TK2: variants seen among roughly 807,000 people sequenced by gnomAD.
The protein encoded by TK2 is thymidine kinase 2, mitochondrial.
In TK2, 35 loss-of-function variants were observed where a neutral mutation model predicts 41.9. The ratio of observed to expected loss-of-function variants is 0.84; its 90% CI spans 0.64 to 1.11. The LOEUF (loss-of-function observed/expected upper bound fraction) is 1.11, where lower values mean the gene tolerates loss of function less well. Ranked by LOEUF, TK2 falls within the 50% of genes least tolerant of loss-of-function variation. The pLI is 0.00. For missense variants in TK2, 320 were observed against 351.1 expected (o/e 0.91, Z 0.71); for synonymous variants, 128 against 129.1 (o/e 0.99, Z 0.06).
At chr16:66,524,791 G>A (rs913846556) in intron 6 of TK2, 10 of 152,230 alleles carry the variant, frequency 6.6e-5, no homozygotes, top group African/African-American at 2.2e-4. Flanking sequence ...ATGCACAGGT[G>A]GTTGTGGGAG....
chr16:66,536,392 T>C (rs951765978), intron 4 of TK2, among the ~76,000 whole-genome samples: 8 of 152,100 alleles, frequency 5.3e-5, no homozygotes, highest in African/African-American at 1.9e-4. Context: ...ACCCAGATTC[T>C]ATCCATCTCT....
intron 4 of TK2, among the ~76,000 whole-genome samples, chr16:66,533,865 A>G (rs1486862945): frequency 6.6e-6 from 1 of 151,624 alleles, no homozygotes; most frequent in Non-Finnish European, 1.5e-5. Context: ...AAAATTAGCC[A>G]GGTGTGGTGG....
chr16:66,535,545 A>T (rs995739773), intron 4 of TK2, among the ~76,000 whole-genome samples: 2 of 152,220 alleles, frequency 1.3e-5, no homozygotes, highest in African/African-American at 4.8e-5. Context: ...CTTTATTGAA[A>T]GACTGAGAGG....
intron 2 of TK2, among the ~76,000 whole-genome samples, chr16:66,544,247 G>A (rs1248853611): frequency 6.6e-6 from 1 of 152,180 alleles, no homozygotes; most frequent in Non-Finnish European, 1.5e-5. Flanking sequence ...TGAAATGGAA[G>A]GGGGAACAGG....
intron 2 of TK2, 94 bp from the exon 3 acceptor site, chr16:66,542,047 A>C: frequency 2.9e-6 from 4 of 1,362,870 alleles, no homozygotes; most frequent in Non-Finnish European, 4.2e-6. Flanking sequence ...TGTAACCAGC[A>C]TAATTGGTTC....
At chr16:66,549,468 G>A (rs2144494587) in intron 1 of TK2, 9 of 1,044,538 alleles carry the variant, frequency 8.6e-6, no homozygotes, top group South Asian at 7.2e-5. Flanking sequence ...CAGCCATATG[G>A]CGGACACCAG....
chr16:66,549,305 G>T (rs1454741694), intron 1 of TK2: 2 of 1,206,978 alleles, frequency 1.7e-6, no homozygotes, highest in Non-Finnish European at 2.1e-6. Context: ...TGGATGTTAA[G>T]CAAGTGGAAA....
At chr16:66,538,253 C>T (rs907218816) in intron 3 of TK2, among the ~76,000 whole-genome samples, 2 of 152,134 alleles carry the variant, frequency 1.3e-5, no homozygotes, top group African/African-American at 2.4e-5. Context: ...TCTTTGCTTA[C>T]GTTGTTTCTT....
At chr16:66,529,750 T>C (rs1045453250) in intron 5 of TK2, among the ~76,000 whole-genome samples, 28 of 152,190 alleles carry the variant, frequency 1.8e-4, no homozygotes, top group African/African-American at 6.5e-4. Context: ...CCATGGGACC[T>C]GGGCCAACAA....
chr16:66,522,573 G>A (rs1013872569), intron 6 of TK2, among the ~76,000 whole-genome samples: 6 of 152,110 alleles, frequency 3.9e-5, no homozygotes, highest in South Asian at 2.1e-4. Context: ...CCCCTTACAC[G>A]TTCCTGTCTT....
Position 66,511,201 on chromosome 16 carries a change from G to A in TK2, c.*767C>T, listed in dbSNP as rs1964439746. 6.5e-6 allele frequency: 1 copy of A among 153,244 alleles called. No homozygotes were observed. Among genetic ancestry groups the A allele is most frequent in the Non-Finnish European group, 1.5e-5 (1 of 68,842 alleles). 9.5% of individuals were successfully genotyped at this position (153,244 alleles called of 1,614,324 possible). On this transcript the variant is annotated 3_prime_UTR_variant, in exon 10 of 10. Transcript: ENST00000544898. Reference sequence around the variant, plus strand: ...GAGACTGAGCACCCTTCAGGAGCCAGCATGTGAATCTCAATGTCCACATGA... The same window carrying A: ...GAGACTGAGCACCCTTCAGGAGCCAACATGTGAATCTCAATGTCCACATGA...
At chr16:66,529,463 TGA>T (rs1342753368) in intron 5 of TK2, among the ~76,000 whole-genome samples, 2 of 152,160 alleles carry the variant, frequency 1.3e-5, no homozygotes, top group African/African-American at 4.8e-5. Flanking sequence ...CTAAATAGGG[TGA>T]GTTTGCTTAA....
chr16:66,544,994 A>G (rs1221098490), intron 2 of TK2, among the ~76,000 whole-genome samples: 2 of 151,714 alleles, frequency 1.3e-5, no homozygotes, highest in Non-Finnish European at 2.9e-5. Context: ...GGCTGATGCA[A>G]GAGAATCGCT....
Position 66,549,877 on chromosome 16 carries a change from G to A in TK2, c.124+61C>T, listed in dbSNP as rs1597115900. 5 of 1,291,994 alleles carry A rather than the reference G, an allele frequency of 3.9e-6. No individual in the cohort carries two copies. The South Asian group carries it at 8.2e-5, about 21-fold the overall frequency. The allele number at this position is 1,291,994 out of a possible 1,614,324, so 80.0% of individuals were successfully genotyped here. A position where few individuals can be genotyped will look rare whatever the true frequency, so the allele number is the denominator to read the frequency against. On this transcript the variant is annotated intron_variant, in intron 1 of 9. Transcript: ENST00000544898. ...GGCTCGGGCGGGTTCCGGAAGCCGA[G>A]GGGCCGGGAGTAGGTGGGCGCATAG...
At chr16:66,515,594 C>A (rs570293376) in intron 8 of TK2, among the ~76,000 whole-genome samples, 1 of 152,242 alleles carries the variant, frequency 6.6e-6, no homozygotes, top group Non-Finnish European at 1.5e-5. Context: ...CCCAGCTCTC[C>A]CTTGGCAATA....
At chr16:66,540,892 T>G (rs1338315069) in intron 3 of TK2, among the ~76,000 whole-genome samples, 2 of 152,250 alleles carry the variant, frequency 1.3e-5, no homozygotes, top group East Asian at 3.8e-4. Flanking sequence ...CAGGCAACTA[T>G]TAAGACCTTG....
intron 6 of TK2, among the ~76,000 whole-genome samples, chr16:66,524,318 C>T (rs1432587615): frequency 6.6e-6 from 1 of 152,058 alleles, no homozygotes; most frequent in Non-Finnish European, 1.5e-5. Flanking sequence ...GCCCTGTGGA[C>T]CACCTGGCTA....
At chr16:66,550,178 C>T, upstream of TK2, 1 of 1,612,462 alleles carries the variant, frequency 6.2e-7, no homozygotes, top group Non-Finnish European at 8.5e-7. Flanking sequence ...TTAAAGAGAC[C>T]CGGTCGCATT....
intron 9 of TK2, among the ~76,000 whole-genome samples, chr16:66,512,934 T>A (rs1299265606): frequency 1.3e-5 from 2 of 152,084 alleles, no homozygotes; most frequent in African/African-American, 4.8e-5. Context: ...TCACATCCCA[T>A]CAAACAATGC....
Sources: gnomAD v4.1 joint callset for allele counts (sites outside exome capture counted in the v4.1 genomes callset) on GRCh38, gnomAD v4.1.1 for gene constraint, MANE v1.5 for transcripts, NCBI Gene and HGNC (gene_info 2026-07-23, HGNC 2026-07-21) for gene names.